FUT8: variants seen among roughly 807,000 people sequenced by gnomAD.
FUT8 encodes fucosyltransferase 8.
In FUT8, 29 loss-of-function variants were observed where a neutral mutation model predicts 71.3. That is an observed-to-expected ratio of 0.41 (90% CI 0.30 to 0.55). The LOEUF is 0.55. Among genes scored for constraint, FUT8 ranks in the 20% least tolerant of loss-of-function variants. The pLI is 0.34. For synonymous variants in FUT8, 254 were observed against 239.3 expected, an observed-to-expected ratio of 1.06 and a Z score of -0.57; for missense variants, 544 against 702.1, an observed-to-expected ratio of 0.77 and a Z score of 2.55.
At chr14:65,527,765 ACAGT>A (rs1883599902) in intron 2 of FUT8, among the ~76,000 whole-genome samples, 1 of 152,184 alleles carries the variant, frequency 6.6e-6, no homozygotes, top group Non-Finnish European at 1.5e-5. Flanking sequence ...TTTCTAACTA[ACAGT>A]CAGGACCCTC....
chr14:65,613,922 G>T (rs1368024979), intron 3 of FUT8, among the ~76,000 whole-genome samples: 1 of 152,022 alleles, frequency 6.6e-6, no homozygotes, highest in Admixed American at 6.6e-5. Flanking sequence ...GACCAGCCTG[G>T]CCAACCCAAT....
chr14:65,551,591 A>G (rs1056171920), intron 2 of FUT8, among the ~76,000 whole-genome samples: 10 of 152,192 alleles, frequency 6.6e-5, no homozygotes, highest in Non-Finnish European at 1.5e-4. Flanking sequence ...AGAGTGGGAG[A>G]AAACTGTTGC....
At chr14:65,527,695 C>CT (rs151170299) in intron 2 of FUT8, among the ~76,000 whole-genome samples, 2,685 of 152,264 alleles carry the variant, frequency 0.018, 50 homozygotes, top group East Asian at 0.067. Context: ...TACCTTTGGT[C>CT]TTTGATGATG....
chr14:65,681,949 C>T (rs1893059979), intron 7 of FUT8, among the ~76,000 whole-genome samples: 1 of 152,090 alleles, frequency 6.6e-6, no homozygotes, highest in Admixed American at 6.5e-5. Context: ...ACACCCACAG[C>T]CTGGTTTTGT....
At chr14:65,484,017 A>G (rs765184896) in intron 2 of FUT8, among the ~76,000 whole-genome samples, 1 of 152,170 alleles carries the variant, frequency 6.6e-6, no homozygotes, top group Non-Finnish European at 1.5e-5. Flanking sequence ...GTGAGCCACC[A>G]CACCCGGCCA....
chr14:65,584,025 G>A (rs540866385), intron 3 of FUT8, among the ~76,000 whole-genome samples: 10 of 152,088 alleles, frequency 6.6e-5, no homozygotes, highest in East Asian at 1.9e-4. Flanking sequence ...GACTACAGGC[G>A]CGTGCTACCA....
chr14:65,691,670 A>C (rs1407255495), intron 7 of FUT8, among the ~76,000 whole-genome samples: 1 of 152,000 alleles, frequency 6.6e-6, no homozygotes, highest in East Asian at 1.9e-4. Flanking sequence ...GCAGGGTCAT[A>C]GGACAATAGT....
chr14:65,414,905 A>G (rs1479254900), intron 1 of FUT8, among the ~76,000 whole-genome samples: 3 of 152,210 alleles, frequency 2.0e-5, no homozygotes, highest in African/African-American at 7.2e-5. Flanking sequence ...ACGGCCTTAT[A>G]TAGGTTATAT....
intron 2 of FUT8, among the ~76,000 whole-genome samples, chr14:65,549,947 G>A (rs889687502): frequency 3.9e-5 from 6 of 152,194 alleles, no homozygotes; most frequent in Non-Finnish European, 8.8e-5. Context: ...TGTAGTCCCA[G>A]CTACTTGGGA....
intron 2 of FUT8, among the ~76,000 whole-genome samples, chr14:65,516,941 A>G (rs1181227840): frequency 1.3e-5 from 2 of 150,866 alleles, no homozygotes; most frequent in Admixed American, 6.6e-5. Flanking sequence ...TATTCTAAGT[A>G]TCTCGTATGA....
rs547842933 is a variant in FUT8 at position 65,460,613 on chromosome 14, T to TA, written c.-228+4896dup. On this transcript the variant is annotated intron_variant, in intron 2 of 10. Coordinates refer to ENST00000673929, the MANE Select transcript of FUT8 (RefSeq NM_001371533.1). ...GGAGTGTCATAACTTCTGCCAGGATTATCTGATGCTAGCTTACCAGCTACA... is the reference window on the plus strand; with the variant it reads ...GGAGTGTCATAACTTCTGCCAGGATTAATCTGATGCTAGCTTACCAGCTACA... Among the ~76,000 whole-genome samples the TA allele has an allele frequency of 1.2e-4, 19 of 152,308 alleles. No homozygotes were observed. In the South Asian group the frequency reaches 3.9e-3, roughly 32 times the overall value.
At chr14:65,609,951 A>T (rs1035625943) in intron 3 of FUT8, among the ~76,000 whole-genome samples, 1 of 151,138 alleles carries the variant, frequency 6.6e-6, no homozygotes, top group African/African-American at 2.4e-5. Flanking sequence ...TTGATACTTA[A>T]TTTTTTTCAT....
chr14:65,465,307 C>T (rs2066026441), intron 2 of FUT8, among the ~76,000 whole-genome samples: 1 of 152,012 alleles, frequency 6.6e-6, no homozygotes, highest in Non-Finnish European at 1.5e-5. Flanking sequence ...TCTCTTAGTC[C>T]TGCTTTGCTG....
intron 3 of FUT8, among the ~76,000 whole-genome samples, chr14:65,585,873 A>T (rs1887353645): frequency 6.6e-6 from 1 of 152,186 alleles, no homozygotes; most frequent in African/African-American, 2.4e-5. Flanking sequence ...CTGAAACAGT[A>T]AGCAAAGTAG....
chr14:65,688,897 A>G (rs1435051585), intron 7 of FUT8, among the ~76,000 whole-genome samples: 2 of 152,174 alleles, frequency 1.3e-5, no homozygotes, highest in African/African-American at 2.4e-5. Flanking sequence ...TTACCTTCGC[A>G]TCGTGGAGAG....
At chr14:65,538,734 A>G (rs1456104777) in intron 2 of FUT8, among the ~76,000 whole-genome samples, 2 of 152,142 alleles carry the variant, frequency 1.3e-5, no homozygotes, top group Admixed American at 1.3e-4. Flanking sequence ...AGCCTGGCCA[A>G]CATGATGAAA....
chr14:65,590,351 A>G (rs1301738917), intron 3 of FUT8, among the ~76,000 whole-genome samples: 2 of 152,218 alleles, frequency 1.3e-5, no homozygotes, highest in African/African-American at 4.8e-5. Flanking sequence ...ACATGGTATA[A>G]AAAGAAACTC....
intron 1 of FUT8, among the ~76,000 whole-genome samples, chr14:65,453,252 T>C (rs1450624035): frequency 1.3e-5 from 2 of 152,104 alleles, no homozygotes; most frequent in East Asian, 3.9e-4. Flanking sequence ...GATCCTCCTG[T>C]TGCAACTTCT....
intron 3 of FUT8, among the ~76,000 whole-genome samples, chr14:65,613,990 C>G (rs376701439): frequency 6.6e-6 from 1 of 151,620 alleles, no homozygotes. Context: ...GGTGCATTCC[C>G]GTAATCCCAT....
Sources: allele counts gnomAD v4.1 joint callset (sites outside exome capture counted in the v4.1 genomes callset), GRCh38; gene constraint gnomAD v4.1.1; transcripts MANE v1.5; gene names NCBI Gene and HGNC (gene_info 2026-07-23, HGNC 2026-07-21).